Variants in TNIK observed in about 807,000 individuals in gnomAD.
TNIK encodes TRAF2 and NCK-interacting protein kinase.
TNIK carries 49 observed loss-of-function variants against 191.3 expected under a neutral mutation model. That is an observed-to-expected ratio of 0.26 (90% CI 0.20 to 0.32). The LOEUF is 0.32. Among genes scored for constraint, TNIK ranks in the 10% least tolerant of loss-of-function variants. The pLI is 1.00. For synonymous variants in TNIK, 594 were observed against 600.9 expected (o/e 0.99, Z 0.17); for missense variants, 1,155 against 1,702.3 (o/e 0.68, Z 5.66).
At chr3:171,180,806 T>A (rs569856425) in intron 7 of TNIK, among the ~76,000 whole-genome samples, 1 of 152,318 alleles carries the variant, frequency 6.6e-6, no homozygotes, top group Non-Finnish European at 1.5e-5. Context: ...TATTCACCAT[T>A]TTTCCCCTTA....
rs566942420 is a variant in TNIK at position 171,158,407 on chromosome 3, C to G, written c.1017-743G>C. Among the ~76,000 whole-genome samples, 13 of 152,302 alleles carry G rather than the reference C, an allele frequency of 8.5e-5. No individual in the cohort carries two copies. In the South Asian group the frequency reaches 2.3e-3, roughly 27 times the overall value. ...GAATGTGTGTGCATACGACAGAGAT[C>G]GAGAGGACATAAATAAGTTCTACCT... On this transcript the variant is annotated intron_variant, in intron 11 of 32. Coordinates refer to ENST00000436636, the MANE Select transcript of TNIK (RefSeq NM_015028.4).
intron 2 of TNIK, among the ~76,000 whole-genome samples, chr3:171,296,017 T>C (rs1050130662): frequency 2.0e-5 from 3 of 152,238 alleles, no homozygotes; most frequent in Non-Finnish European, 2.9e-5. Flanking sequence ...TCATTTAAGT[T>C]CTGTTCTATG....
At chr3:171,406,434 A>AT (rs1190857892) in intron 1 of TNIK, among the ~76,000 whole-genome samples, 7 of 151,752 alleles carry the variant, frequency 4.6e-5, no homozygotes, top group Non-Finnish European at 7.4e-5. Flanking sequence ...GGGTTTATTT[A>AT]TTTATTTTTT....
At chr3:171,157,302 T>C (rs947316785) in intron 12 of TNIK, among the ~76,000 whole-genome samples, 158 bp downstream of exon 12, 2 of 152,212 alleles carry the variant, frequency 1.3e-5, no homozygotes, top group Non-Finnish European at 2.9e-5. Flanking sequence ...AGCCTTTTGT[T>C]TGTAAGAGCA....
chr3:171,297,355 C>T, intron 2 of TNIK, among the ~76,000 whole-genome samples: 1 of 152,170 alleles, frequency 6.6e-6, no homozygotes, highest in East Asian at 1.9e-4. Context: ...ACCCCCACCC[C>T]AACTTTCACA....
chr3:171,406,257 A>G lies in TNIK; in HGVS notation c.58-36572T>C, dbSNP rs112747555. Among the ~76,000 whole-genome samples the G allele has an allele frequency of 1.2e-4, 19 of 152,032 alleles. 1 individual carries two copies. Among genetic ancestry groups the G allele is most frequent in the African/African-American group, 4.3e-4 (18 of 41,470 alleles). On this transcript the variant is annotated intron_variant, in intron 1 of 32. Coordinates refer to ENST00000436636, the MANE Select transcript of TNIK (RefSeq NM_015028.4). ...AATCTCGGAATCCTGTGGCTAGTCC[A>G]CTCTACTGCCTCCCTAGATGATGGA...
intron 2 of TNIK, among the ~76,000 whole-genome samples, chr3:171,280,853 A>G (rs1356092087): frequency 6.6e-6 from 1 of 152,176 alleles, no homozygotes; most frequent in East Asian, 1.9e-4. Context: ...GTAAAAATAG[A>G]TATTTCTCTA....
intron 2 of TNIK, among the ~76,000 whole-genome samples, chr3:171,345,710 A>G (rs1712062878): frequency 6.6e-6 from 1 of 152,158 alleles, no homozygotes; most frequent in Non-Finnish European, 1.5e-5. Flanking sequence ...AAAGGTGAAA[A>G]TGGACTTTTT....
chr3:171,347,043 C>A, intron 2 of TNIK: 1 of 1,223,466 alleles, frequency 8.2e-7, no homozygotes, highest in South Asian at 1.6e-5. Flanking sequence ...GAGAGATGTG[C>A]AATGCCTGTG....
intron 1 of TNIK, among the ~76,000 whole-genome samples, chr3:171,375,483 G>GCATTT (rs1311612542): frequency 1.3e-5 from 2 of 152,140 alleles, no homozygotes; most frequent in African/African-American, 4.8e-5. Flanking sequence ...TTGAGAAGGC[G>GCATTT]CATTAAGTTT....
At chr3:171,225,176 G>A (rs1424839325) in intron 3 of TNIK, among the ~76,000 whole-genome samples, 1 of 152,128 alleles carries the variant, frequency 6.6e-6, no homozygotes, top group Non-Finnish European at 1.5e-5. Flanking sequence ...AGCTTTTACA[G>A]CATTCTGTAA....
At chr3:171,176,665 A>C (rs1209660358) in intron 8 of TNIK, among the ~76,000 whole-genome samples, 21 of 152,240 alleles carry the variant, frequency 1.4e-4, no homozygotes, top group Admixed American at 1.4e-3. Context: ...TAGTATCCCC[A>C]CTGTGCTAGG....
intron 2 of TNIK, among the ~76,000 whole-genome samples, chr3:171,332,662 G>A (rs57131758): frequency 0.01 from 1,565 of 152,264 alleles, 21 homozygotes; most frequent in African/African-American, 0.036. Context: ...ACTACCTCCT[G>A]ATTCAGCTAT....
At position 171,106,586 on chromosome 3, in the gene TNIK, A is replaced by T. The variant is rs527965608; in HGVS notation, c.2406+597T>A. ...CAGGTCTGACAAATAGCAGTAAGGC[A>T]GTCATCCTTCTTAGCAAGCTACCTA... On this transcript the variant is annotated intron_variant, in intron 21 of 32. Transcript: ENST00000436636. 2.2e-4 allele frequency: 106 copies of T among 483,656 alleles called. 1 individual carries two copies. The highest frequency in any genetic ancestry group is 1.2e-3 in the South Asian group (80 of 64,892). The allele number at this position is 483,656 out of a possible 1,614,324, so 30.0% of individuals were successfully genotyped here.
chr3:171,293,195 CA>C (rs1210818173), intron 2 of TNIK, among the ~76,000 whole-genome samples: 1 of 152,032 alleles, frequency 6.6e-6, no homozygotes. Flanking sequence ...TCCTGATTAA[CA>C]AAAAAATCTT....
At chr3:171,300,384 G>A (rs1752753770) in intron 2 of TNIK, among the ~76,000 whole-genome samples, 1 of 152,158 alleles carries the variant, frequency 6.6e-6, no homozygotes, top group African/African-American at 2.4e-5. Context: ...GAATCATCAT[G>A]ACATATCTTG....
chr3:171,254,399 G>A (rs1746600269), intron 2 of TNIK, among the ~76,000 whole-genome samples: 1 of 152,158 alleles, frequency 6.6e-6, no homozygotes, highest in Admixed American at 6.5e-5. Context: ...CTAGAGCAGT[G>A]GAGAATGCAG....
intron 3 of TNIK, among the ~76,000 whole-genome samples, chr3:171,227,797 A>AT (rs1041477972): frequency 3.3e-5 from 5 of 152,046 alleles, no homozygotes; most frequent in East Asian, 3.9e-4. Context: ...TCAACTTACG[A>AT]TTTTTTTTGA....
chr3:171,107,913 T>C (rs1038103369), intron 20 of TNIK, 152 bp downstream of exon 20: 1 of 673,436 alleles, frequency 1.5e-6, no homozygotes, highest in Non-Finnish European at 2.4e-6. Flanking sequence ...TCTTTCCTAA[T>C]CAGGTATGAC....
Sources: gnomAD v4.1 joint callset for allele counts (sites outside exome capture counted in the v4.1 genomes callset) on GRCh38, gnomAD v4.1.1 for gene constraint, MANE v1.5 for transcripts, NCBI Gene and HGNC (gene_info 2026-07-23, HGNC 2026-07-21) for gene names.